The following SGCZ variants were observed in gnomAD, a reference collection of about 807,000 sequenced individuals.
SGCZ encodes sarcoglycan zeta, also known as zeta-sarcoglycan.
In SGCZ, 40 loss-of-function variants were observed where a neutral mutation model predicts 41.3. That is an observed-to-expected ratio of 0.97 (90% CI 0.75 to 1.26). The LOEUF (loss-of-function observed/expected upper bound fraction) is 1.26, where lower values mean the gene tolerates loss of function less well. Among genes scored for constraint, SGCZ ranks in the 50% most tolerant of loss-of-function variants. The pLI is 0.00. For synonymous variants in SGCZ, 206 were observed against 137.5 expected (o/e 1.50, Z -3.49); for missense variants, 552 against 369.8 (o/e 1.49, Z -4.04).
intron 3 of SGCZ, among the ~76,000 whole-genome samples, chr8:14,319,022 G>C (rs183738874): frequency 6.6e-6 from 1 of 151,728 alleles, no homozygotes; most frequent in Admixed American, 6.6e-5. Context: ...AAAAACTCTA[G>C]ATGACAGTCA....
At chr8:14,885,258 T>A (rs1009438036) in intron 1 of SGCZ, among the ~76,000 whole-genome samples, 1 of 152,158 alleles carries the variant, frequency 6.6e-6, no homozygotes, top group Admixed American at 6.6e-5. Context: ...TAGCATTGTA[T>A]TCTCAGTACC....
chr8:14,281,553 G>C (rs530005131), intron 3 of SGCZ, among the ~76,000 whole-genome samples: 100 of 152,020 alleles, frequency 6.6e-4, no homozygotes, highest in South Asian at 2.1e-3. Flanking sequence ...AATTTTAAAA[G>C]GTTTGGGGGC....
intron 1 of SGCZ, among the ~76,000 whole-genome samples, chr8:14,960,861 G>A (rs1800941444): frequency 6.6e-6 from 1 of 151,526 alleles, no homozygotes; most frequent in African/African-American, 2.4e-5. Flanking sequence ...GAATCATGTG[G>A]CCTTTGAAAG....
At chr8:15,111,828 A>G (rs1807071612) in intron 1 of SGCZ, among the ~76,000 whole-genome samples, 1 of 151,070 alleles carries the variant, frequency 6.6e-6, no homozygotes, top group South Asian at 2.1e-4. Flanking sequence ...TGAACCAGGG[A>G]GTCAGAGGTA....
intron 1 of SGCZ, among the ~76,000 whole-genome samples, chr8:15,023,594 TA>T: frequency 6.6e-6 from 1 of 152,348 alleles, no homozygotes; most frequent in East Asian, 1.9e-4. Context: ...CAATTAAAAC[TA>T]TTCAGAAAGC....
chr8:15,092,576 A>G (rs889502182), intron 1 of SGCZ, among the ~76,000 whole-genome samples: 1 of 152,236 alleles, frequency 6.6e-6, no homozygotes, highest in Non-Finnish European at 1.5e-5. Flanking sequence ...TAAATTCTTT[A>G]AAATCTGTTT....
intron 1 of SGCZ, among the ~76,000 whole-genome samples, chr8:15,011,622 A>G (rs1036560254): frequency 3.3e-5 from 5 of 152,108 alleles, no homozygotes; most frequent in Admixed American, 2.6e-4. Context: ...GACTATCTCA[A>G]TTTTGAATAA....
chr8:14,590,799 A>C (rs2117283943), intron 1 of SGCZ, among the ~76,000 whole-genome samples: 1 of 148,180 alleles, frequency 6.7e-6, no homozygotes. Flanking sequence ...TTTATAATAT[A>C]TATGAATATA....
At chr8:15,029,695 A>C (rs1380828922) in intron 1 of SGCZ, among the ~76,000 whole-genome samples, 10 of 152,096 alleles carry the variant, frequency 6.6e-5, no homozygotes, top group Non-Finnish European at 8.8e-5. Context: ...ATAAGAAAAA[A>C]TGCTGAATCC....
chr8:14,092,904 G>C (rs1801732148), intron 7 of SGCZ, among the ~76,000 whole-genome samples: 1 of 130,562 alleles, frequency 7.7e-6, no homozygotes, highest in African/African-American at 2.4e-5. Flanking sequence ...TAGATTTGAA[G>C]TCTCCATGAA....
chr8:15,117,413 A>T lies in SGCZ; in HGVS notation c.39+120172T>A, dbSNP rs561654454. 2.0e-5 allele frequency among the ~76,000 whole-genome samples: 3 copies of T among 152,324 alleles called. No homozygotes were observed. The South Asian group carries it at 6.2e-4, about 32-fold the overall frequency. On this transcript the variant is annotated intron_variant, in intron 1 of 7. Transcript: ENST00000382080. ...TGCTCTAATGTGCTGGGCATTGATT[A>T]CTTCTTAAAGCAAATATTATCTCCA...
At chr8:14,914,946 T>A (rs1037230399) in intron 1 of SGCZ, among the ~76,000 whole-genome samples, 2 of 152,132 alleles carry the variant, frequency 1.3e-5, no homozygotes, top group African/African-American at 4.8e-5. Flanking sequence ...CAAAAACCCT[T>A]GCAAGCAAAA....
At chr8:14,153,311 C>T (rs969799233) in intron 5 of SGCZ, among the ~76,000 whole-genome samples, 5 of 152,122 alleles carry the variant, frequency 3.3e-5, no homozygotes, top group Admixed American at 1.3e-4. Flanking sequence ...AATCTGAACA[C>T]GAACCTCGGT....
At chr8:14,734,009 G>A (rs1798951765) in intron 1 of SGCZ, among the ~76,000 whole-genome samples, 1 of 152,190 alleles carries the variant, frequency 6.6e-6, no homozygotes, top group Non-Finnish European at 1.5e-5. Context: ...TAATGGAGAA[G>A]CTGAACTAGT....
chr8:14,663,546 T>C (rs1376074633), intron 1 of SGCZ, among the ~76,000 whole-genome samples: 1 of 152,118 alleles, frequency 6.6e-6, no homozygotes, highest in African/African-American at 2.4e-5. Flanking sequence ...TAAATGAAAA[T>C]AATAAGGGTA....
At chr8:14,233,025 T>C (rs191734033) in intron 4 of SGCZ, among the ~76,000 whole-genome samples, 3 of 152,174 alleles carry the variant, frequency 2.0e-5, no homozygotes, top group East Asian at 1.9e-4. Flanking sequence ...GTAGCCATAA[T>C]AAGTATCTCA....
chr8:15,192,611 T>C (rs1800579436), intron 1 of SGCZ, among the ~76,000 whole-genome samples: 1 of 152,156 alleles, frequency 6.6e-6, no homozygotes, highest in African/African-American at 2.4e-5. Flanking sequence ...AGTCTCTTTC[T>C]GGTTTACTGG....
intron 2 of SGCZ, among the ~76,000 whole-genome samples, chr8:14,351,512 C>A (rs1004208433): frequency 3.3e-5 from 5 of 151,218 alleles, no homozygotes; most frequent in African/African-American, 1.2e-4. Context: ...TGTTTGAATA[C>A]CTTTCTAGAA....
chr8:14,258,737 T>G (rs1173528683), intron 3 of SGCZ, among the ~76,000 whole-genome samples: 1 of 152,194 alleles, frequency 6.6e-6, no homozygotes, highest in Non-Finnish European at 1.5e-5. Flanking sequence ...CACATTAAAC[T>G]GCAGTTTGTA....
Sources: gnomAD v4.1 joint callset for allele counts (sites outside exome capture counted in the v4.1 genomes callset) on GRCh38, gnomAD v4.1.1 for gene constraint, MANE v1.5 for transcripts, NCBI Gene and HGNC (gene_info 2026-07-23, HGNC 2026-07-21) for gene names.